The following FBN1 variants were observed in gnomAD, a reference collection of about 807,000 sequenced individuals.
FBN1 encodes fibrillin-1.
In FBN1, 29 loss-of-function variants were observed where a neutral mutation model predicts 365.1. That is an observed-to-expected ratio of 0.08 (90% CI 0.06 to 0.11). The LOEUF (loss-of-function observed/expected upper bound fraction) is 0.11, where lower values mean the gene tolerates loss of function less well. Among genes scored for constraint, FBN1 ranks in the 10% least tolerant of loss-of-function variants. The pLI is 1.00. For synonymous variants in FBN1, 1,210 were observed against 1,270.5 expected, an observed-to-expected ratio of 0.95 and a Z score of 1.01; for missense variants, 2,476 against 3,703.2, an observed-to-expected ratio of 0.67 and a Z score of 8.60.
chr15:48,485,266 A>T (rs569385040), intron 30 of FBN1, 108 bp downstream of exon 30: 1 of 1,407,454 alleles, frequency 7.1e-7, no homozygotes, highest in Admixed American at 1.7e-5. Flanking sequence ...AAAATATATG[A>T]CAAACAAGGG....
intron 10 of FBN1, among the ~76,000 whole-genome samples, chr15:48,518,722 C>A (rs1449555463): frequency 6.6e-6 from 1 of 152,202 alleles, no homozygotes; most frequent in African/African-American, 2.4e-5. Context: ...CCTATCTCCA[C>A]TTAACCCAAG....
rs1019942144 is a variant in FBN1, at chr15:48,503,672, C to T, written c.2113+115G>A. ...GGCCTCTGCCAAGACCCCAAGAAGG[C>T]ACATGGCGTACCTGGAGAGCAAAAT... On this transcript the variant is annotated intron_variant, in intron 17 of 65. Transcript: ENST00000316623. 7.3e-6 allele frequency: 10 copies of T among 1,371,264 alleles called. No individual in the cohort carries two copies. In the African/African-American group the frequency reaches 1.4e-4, roughly 19 times the overall value. 84.9% of individuals were successfully genotyped at this position (1,371,264 alleles called of 1,614,324 possible).
chr15:48,602,391 T>C (rs1042971093), intron 4 of FBN1, among the ~76,000 whole-genome samples: 4 of 152,236 alleles, frequency 2.6e-5, no homozygotes, highest in African/African-American at 9.6e-5. Context: ...GCATTAATTA[T>C]GCAATACCTC....
intron 9 of FBN1, among the ~76,000 whole-genome samples, chr15:48,521,480 T>G (rs2043854352): frequency 6.6e-6 from 1 of 152,218 alleles, no homozygotes; most frequent in South Asian, 2.1e-4. Context: ...CTTAGTCCTA[T>G]AGGATACAAT....
intron 32 of FBN1, among the ~76,000 whole-genome samples, chr15:48,475,338 A>C (rs2043410728): frequency 6.6e-6 from 1 of 152,186 alleles, no homozygotes; most frequent in Non-Finnish European, 1.5e-5. Context: ...GGATTTTGTC[A>C]GAATATAAGG....
At chr15:48,459,815 T>C (rs76032010) in intron 43 of FBN1, among the ~76,000 whole-genome samples, 2,688 of 152,310 alleles carry the variant, frequency 0.018, 54 homozygotes, top group East Asian at 0.084. Context: ...GGAGATTCCA[T>C]GTAAGATAAA....
intron 54 of FBN1, 62 bp downstream of exon 54, chr15:48,434,532 A>T: frequency 6.2e-7 from 1 of 1,603,794 alleles, no homozygotes; most frequent in Non-Finnish European, 8.5e-7. Context: ...AAGACTTGTA[A>T]TCAACCAATT....
At chr15:48,443,102 T>C (rs2043129188) in intron 49 of FBN1, among the ~76,000 whole-genome samples, 1 of 152,200 alleles carries the variant, frequency 6.6e-6, no homozygotes, top group African/African-American at 2.4e-5. Context: ...ATTCTCTTTC[T>C]GTGCAACGCA....
At chr15:48,494,155 C>T in intron 23 of FBN1, 49 bp downstream of exon 23, 1 of 1,443,314 alleles carries the variant, frequency 6.9e-7, no homozygotes, top group Non-Finnish European at 9.8e-7. Context: ...TTAACACAAA[C>T]ATTCATTATG....
chr15:48,466,412 A>G (rs2043322418), intron 38 of FBN1, among the ~76,000 whole-genome samples: 1 of 152,210 alleles, frequency 6.6e-6, no homozygotes, highest in East Asian at 1.9e-4. Flanking sequence ...TCCAAAAACA[A>G]CTTTCTATAG....
intron 32 of FBN1, 65 bp downstream of exon 32, chr15:48,481,590 T>A: frequency 6.7e-7 from 1 of 1,489,734 alleles, no homozygotes; most frequent in African/African-American, 1.4e-5. Flanking sequence ...CATGTATCAA[T>A]CTATAATTAT....
intron 24 of FBN1, among the ~76,000 whole-genome samples, chr15:48,490,306 T>C (rs1227250931): frequency 6.6e-6 from 1 of 152,300 alleles, no homozygotes; most frequent in Admixed American, 6.5e-5. Context: ...TTCTGAAAAG[T>C]TCCCTTTCAA....
chr15:48,420,434 G>A (rs1437267411), intron 63 of FBN1, among the ~76,000 whole-genome samples: 1 of 152,064 alleles, frequency 6.6e-6, no homozygotes, highest in African/African-American at 2.4e-5. Flanking sequence ...GGAGGGTGGA[G>A]GATATTGCGC....
At chr15:48,433,850 C>T (rs1270356921) in intron 54 of FBN1, among the ~76,000 whole-genome samples, 1 of 152,196 alleles carries the variant, frequency 6.6e-6, no homozygotes, top group Non-Finnish European at 1.5e-5. Context: ...TATTCTCTGC[C>T]TTCACCTCTC....
In FBN1 at chr15:48,428,442, T is replaced by A. The variant is rs1428185990; in HGVS notation, c.6901A>T (p.Ile2301Phe). The A allele has an allele frequency of 3.7e-6, 6 of 1,614,096 alleles. No individual in the cohort carries two copies. Among genetic ancestry groups the A allele is most frequent in the Non-Finnish European group, 5.1e-6 (6 of 1,179,982 alleles). ...TTGAGGCAGCGCCCATTCTCACAGA[T>A]CCCTGGCTTCGTCTGACATTCATTC... Reference protein sequence around the residue: ...DENECQTKPGICENGRCLNTR... With the variant: ...DENECQTKPGFCENGRCLNTR... The change falls in exon 57 of 66, where the codon ATC becomes TTC. Residue 2301 changes from isoleucine to phenylalanine, a missense_variant. Around this residue, in one of 5 missense-constraint regions of FBN1, gnomAD observed 1,780 missense variants for 2,840.8 expected, o/e 0.63. Transcript: ENST00000316623.
intron 6 of FBN1, among the ~76,000 whole-genome samples, chr15:48,585,473 A>G (rs1019214210): frequency 6.6e-6 from 1 of 152,222 alleles, no homozygotes; most frequent in African/African-American, 2.4e-5. Flanking sequence ...TTTCCATATA[A>G]CATACACATA....
chr15:48,554,684 T>C (rs2044166477), intron 6 of FBN1, among the ~76,000 whole-genome samples: 1 of 152,204 alleles, frequency 6.6e-6, no homozygotes, highest in Non-Finnish European at 1.5e-5. Context: ...TGACATATAC[T>C]CTGTAAATGT....
At chr15:48,532,894 G>GTA (rs2043985440) in intron 8 of FBN1, among the ~76,000 whole-genome samples, 1 of 152,086 alleles carries the variant, frequency 6.6e-6, no homozygotes, top group Non-Finnish European at 1.5e-5. Context: ...GAATAACTAT[G>GTA]TATAACATGT....
In FBN1 at chr15:48,503,954, G is replaced by C. The variant is rs2043686921; in HGVS notation, c.1961-15C>G. ...CATGTGTGTGTCTAAACAGGAAGAA[G>C]CATCTGTCATCACACTGTCACTTCA... On this transcript the variant is annotated splice_polypyrimidine_tract_variant and intron_variant, in intron 16 of 65. Coordinates refer to ENST00000316623, the MANE Select transcript of FBN1 (RefSeq NM_000138.5). 1 of 1,613,936 alleles carries C rather than the reference G, an allele frequency of 6.2e-7. No homozygotes were observed. The highest frequency in any genetic ancestry group is 2.2e-5 in the East Asian group (1 of 44,884).
Sources: gnomAD v4.1 joint callset for allele counts (sites outside exome capture counted in the v4.1 genomes callset) on GRCh38, gnomAD v4.1.1 for gene constraint, gnomAD v4.1.1 regional missense constraint, MANE v1.5 for transcripts, NCBI Gene and HGNC (gene_info 2026-07-23, HGNC 2026-07-21) for gene names.